The following OSBPL9 variants were observed in gnomAD, a reference collection of about 807,000 sequenced individuals.
The protein encoded by OSBPL9 is oxysterol binding protein like 9, also known as oxysterol-binding protein-related protein 9.
OSBPL9 carries 40 observed loss-of-function variants against 106.6 expected under a neutral mutation model. The observed-to-expected ratio is 0.38, with a 90% confidence interval of 0.29 to 0.49. The LOEUF is 0.49. OSBPL9 is among the 20% of genes least tolerant of loss of function. The pLI, the probability that OSBPL9 is intolerant of heterozygous loss-of-function variation, is 0.97. For synonymous variants in OSBPL9, 269 were observed against 295.4 expected, an observed-to-expected ratio of 0.91 and a Z score of 0.92; for missense variants, 609 against 887.2, an observed-to-expected ratio of 0.69 and a Z score of 3.98.
chr1:51,673,417 G>A (rs1650391180), intron 3 of OSBPL9, among the ~76,000 whole-genome samples: 1 of 152,172 alleles, frequency 6.6e-6, no homozygotes, highest in Non-Finnish European at 1.5e-5. Context: ...GGGAGCTTTT[G>A]TTTTGTTTTT....
chr1:51,585,730 C>T (rs892286233), intron 1 of OSBPL9, among the ~76,000 whole-genome samples: 7 of 151,434 alleles, frequency 4.6e-5, no homozygotes, highest in Non-Finnish European at 8.8e-5. Flanking sequence ...GAGCTGAGAT[C>T]GTGCCACTGC....
chr1:51,647,556 A>AT (rs1410093494), intron 1 of OSBPL9, among the ~76,000 whole-genome samples: 2 of 152,012 alleles, frequency 1.3e-5, no homozygotes, highest in African/African-American at 4.8e-5. Flanking sequence ...AAGTTTTTTG[A>AT]TTACTAATTC....
chr1:51,667,325 A>G (rs187818409), intron 2 of OSBPL9, among the ~76,000 whole-genome samples: 12 of 152,220 alleles, frequency 7.9e-5, no homozygotes, highest in Admixed American at 6.5e-5. Flanking sequence ...TGTTTTCATC[A>G]CCTTGTAAAG....
intron 2 of OSBPL9, among the ~76,000 whole-genome samples, chr1:51,658,431 A>G (rs1570861376): frequency 6.6e-6 from 1 of 152,172 alleles, no homozygotes; most frequent in East Asian, 1.9e-4. Flanking sequence ...GAAGAATTCT[A>G]AAGGGCCTTA....
chr1:51,657,280 C>A (rs527956205), intron 2 of OSBPL9, among the ~76,000 whole-genome samples: 7 of 152,108 alleles, frequency 4.6e-5, no homozygotes, highest in Non-Finnish European at 1.0e-4. Flanking sequence ...AAGCAAAACA[C>A]CCACATGAAC....
chr1:51,564,052 C>CAAAAAAAAAAA, the OSBPL9 span, among the ~76,000 whole-genome samples: 347 of 27,374 alleles, frequency 0.013, 102 homozygotes, highest in Middle Eastern at 0.067. Context: ...GAGATCATCT[C>CAAAAAAAAAAA]AAAAAAAAAA....
intron 1 of OSBPL9, among the ~76,000 whole-genome samples, chr1:51,580,243 G>A (rs1334443684): frequency 2.6e-5 from 4 of 152,194 alleles, no homozygotes; most frequent in Non-Finnish European, 5.9e-5. Flanking sequence ...CCTTTCCACC[G>A]ATTTCTGTAT....
chr1:51,663,192 A>G (rs536095954), intron 2 of OSBPL9, among the ~76,000 whole-genome samples: 1 of 152,348 alleles, frequency 6.6e-6, no homozygotes, highest in East Asian at 1.9e-4. Context: ...AGGAAATGAT[A>G]AAACATTATT....
chr1:51,751,878 T>C (rs1669323545), intron 8 of OSBPL9, among the ~76,000 whole-genome samples: 1 of 152,218 alleles, frequency 6.6e-6, no homozygotes, highest in African/African-American at 2.4e-5. Flanking sequence ...TTAGCCCAGC[T>C]TAATAAAACT....
chr1:51,659,763 A>T (rs1647027992), intron 2 of OSBPL9, among the ~76,000 whole-genome samples: 1 of 152,162 alleles, frequency 6.6e-6, no homozygotes, highest in African/African-American at 2.4e-5. Flanking sequence ...TAAATTTGAA[A>T]GCTTATATGA....
rs915847761 is a variant in OSBPL9, at chr1:51,770,454, T to A, written c.939-1616T>A. ...CACCATGCCCAGCCTAATTTTTTATTTTTTGTAGAGATGGGGTCTCACCAT... is the reference window on the plus strand; with the variant it reads ...CACCATGCCCAGCCTAATTTTTTATATTTTGTAGAGATGGGGTCTCACCAT... On this transcript the variant is annotated intron_variant, in intron 12 of 23. Coordinates refer to ENST00000428468, the MANE Select transcript of OSBPL9 (RefSeq NM_024586.6). Among the ~76,000 whole-genome samples, 4 of 152,100 alleles carry A rather than the reference T, an allele frequency of 2.6e-5. No homozygotes were observed. The East Asian group carries it at 7.7e-4, about 29-fold the overall frequency.
At chr1:51,784,639 TCTTGAACTACAG>T in intron 20 of OSBPL9, 57 bp downstream of exon 20, 1 of 1,557,312 alleles carries the variant, frequency 6.4e-7, no homozygotes, top group South Asian at 1.1e-5. Flanking sequence ...CTGCCTTTTG[TCTTGAACTACAG>T]CTTCTGGATT....
At chr1:51,669,874 T>G in intron 3 of OSBPL9, 1 of 462,910 alleles carries the variant, frequency 2.2e-6, no homozygotes, top group Non-Finnish European at 4.3e-6. Flanking sequence ...GTCTAAAGAC[T>G]GATTGTGAAG....
At chr1:51,543,695 T>G in the OSBPL9 span, among the ~76,000 whole-genome samples, 1 of 152,150 alleles carries the variant, frequency 6.6e-6, no homozygotes, top group African/African-American at 2.4e-5. Flanking sequence ...GCGCCTGGCC[T>G]CAACTTTGAG....
At chr1:51,731,001 T>C (rs568807352) in intron 4 of OSBPL9, among the ~76,000 whole-genome samples, 15 of 152,290 alleles carry the variant, frequency 9.8e-5, no homozygotes, top group Admixed American at 2.6e-4. Context: ...TAATGAATAC[T>C]GTTAGCACCT....
Position 51,647,855 on chromosome 1 carries a change from C to T in OSBPL9, c.112-4136C>T, listed in dbSNP as rs564918820. ...TTTGGCTAGGCACAGTGGCTCGCAC[C>T]TGTAGTCCCAGCACTTTGGGAGGCT... On this transcript the variant is annotated intron_variant, in intron 1 of 23. Coordinates refer to ENST00000428468, the MANE Select transcript of OSBPL9 (RefSeq NM_024586.6). Among the ~76,000 whole-genome samples, 8 of 152,162 alleles carry T rather than the reference C, an allele frequency of 5.3e-5. No individual in the cohort carries two copies. In the South Asian group the frequency reaches 1.5e-3, roughly 28 times the overall value.
the OSBPL9 span, among the ~76,000 whole-genome samples, chr1:51,555,986 A>G: frequency 2.0e-5 from 3 of 152,358 alleles, no homozygotes; most frequent in Non-Finnish European, 2.9e-5. Flanking sequence ...AATATTTTCC[A>G]TGTTTGTTTA....
the OSBPL9 span, among the ~76,000 whole-genome samples, chr1:51,546,710 A>C: frequency 6.6e-6 from 1 of 151,300 alleles, no homozygotes; most frequent in Admixed American, 6.6e-5. Flanking sequence ...AAAAAAAAAC[A>C]AAAAACACAA....
In OSBPL9 at chr1:51,787,642, G is replaced by A. The variant is rs1266703212; in HGVS notation, c.2137-73G>A. 3 of 1,589,730 alleles carry A rather than the reference G, an allele frequency of 1.9e-6. No homozygotes were observed. In the African/African-American group the frequency reaches 4.0e-5, roughly 21 times the overall value. ...CAGTCTAATGGCGGGGTGGGGAGCA[G>A]ATATGAAATAGTAAGTATATTACAG... is the stretch of plus-strand genomic sequence containing the variant. On this transcript the variant is annotated intron_variant, in intron 23 of 23. Transcript: ENST00000428468.
Sources: gnomAD v4.1 joint callset for allele counts (sites outside exome capture counted in the v4.1 genomes callset) on GRCh38, gnomAD v4.1.1 for gene constraint, MANE v1.5 for transcripts, NCBI Gene and HGNC (gene_info 2026-07-23, HGNC 2026-07-21) for gene names.